The following STIM1 variants were observed in gnomAD, a reference collection of about 807,000 sequenced individuals.
STIM1 encodes stromal interaction molecule 1.
Under a neutral mutation model 74.7 loss-of-function variants are expected in STIM1, and 25 were observed. The ratio of observed to expected loss-of-function variants is 0.33; its 90% CI spans 0.24 to 0.47. STIM1 has a LOEUF of 0.47. STIM1 is among the 20% of genes least tolerant of loss of function. The pLI is 1.00. For missense variants in STIM1, 728 were observed against 920.8 expected (o/e 0.79, Z 2.71); for synonymous variants, 328 against 348.8 (o/e 0.94, Z 0.66).
intron 2 of STIM1, among the ~76,000 whole-genome samples, chr11:3,980,626 A>C (rs972164195): frequency 6.6e-6 from 1 of 151,742 alleles, no homozygotes; most frequent in African/African-American, 2.4e-5. Context: ...AAAAAAAAAA[A>C]AACCCACACA....
At chr11:4,000,014 C>T (rs908402224) in intron 2 of STIM1, among the ~76,000 whole-genome samples, 28 of 152,090 alleles carry the variant, frequency 1.8e-4, no homozygotes, top group Admixed American at 3.3e-4. Context: ...AACTGCAAGG[C>T]GGCAGCGAGG....
chr11:3,918,901 AGT>A (rs1261233475), intron 1 of STIM1, among the ~76,000 whole-genome samples: 3 of 152,252 alleles, frequency 2.0e-5, no homozygotes, highest in Non-Finnish European at 4.4e-5. Context: ...TGTTAAAAAA[AGT>A]GTGTTTCCAA....
rs1308815370 is a variant in STIM1 at position 3,855,727 on chromosome 11, C to T, written c.-544C>T. On this transcript the variant is annotated 5_prime_UTR_variant, in exon 1 of 13. Coordinates refer to ENST00000526596, the MANE Select transcript of STIM1 (RefSeq NM_001382567.1). The stretch of plus-strand genomic sequence containing the variant: ...GCTGGACCTGGGCACCGCCAGCCGC[C>T]TGGGCACGGGACTGGGCGGGGGCGC... The T allele has an allele frequency of 6.5e-6, 1 of 152,956 alleles. No individual in the cohort carries two copies. The highest frequency in any genetic ancestry group is 1.5e-5 in the Non-Finnish European group (1 of 68,562). The allele number at this position is 152,956 out of a possible 1,614,324, so 9.5% of individuals were successfully genotyped here.
At chr11:4,057,967 C>T (rs530539782) in intron 4 of STIM1, among the ~76,000 whole-genome samples, 56 of 152,014 alleles carry the variant, frequency 3.7e-4, no homozygotes, top group Admixed American at 3.5e-3. Flanking sequence ...AGTATCAGAA[C>T]AGTAGCAGAC....
rs532773730 is a variant in STIM1, at chr11:3,890,249, C to T, written c.139+33840C>T. Reference sequence around the variant, plus strand: ...GTGTTTTGCAATCTGAGAGCAGGGGCCAGTCCAAGTGGTGATCTCTGGAGG... The same window carrying T: ...GTGTTTTGCAATCTGAGAGCAGGGGTCAGTCCAAGTGGTGATCTCTGGAGG... On this transcript the variant is annotated intron_variant, in intron 1 of 12. Transcript: ENST00000526596. Among the ~76,000 whole-genome samples, 14 of 152,306 alleles carry T rather than the reference C, an allele frequency of 9.2e-5. No individual in the cohort carries two copies. In the South Asian group the frequency reaches 2.9e-3, roughly 32 times the overall value.
chr11:3,958,280 A>G (rs1411859506), intron 1 of STIM1, among the ~76,000 whole-genome samples: 1 of 152,220 alleles, frequency 6.6e-6, no homozygotes, highest in South Asian at 2.1e-4. Context: ...AGGCTGAGGC[A>G]GGAGGATTGC....
intron 1 of STIM1, among the ~76,000 whole-genome samples, chr11:3,872,674 A>C (rs995568489): frequency 1.0e-4 from 15 of 150,452 alleles, no homozygotes; most frequent in African/African-American, 3.7e-4. Context: ...GGCGCCCACC[A>C]CCACGCCCGG....
rs1032475323 is a variant in STIM1 at position 3,880,009 on chromosome 11, A to G, written c.139+23600A>G. 2.6e-5 allele frequency among the ~76,000 whole-genome samples: 4 copies of G among 152,178 alleles called. No individual in the cohort carries two copies. The East Asian group carries it at 5.8e-4, about 22-fold the overall frequency. ...TTATGAATGGTCAGAACACACTCTC[A>G]TGGAGATCCAGGAAGCAGGACAGGA... On this transcript the variant is annotated intron_variant, in intron 1 of 12. Coordinates refer to ENST00000526596, the MANE Select transcript of STIM1 (RefSeq NM_001382567.1).
At chr11:3,885,686 G>T in intron 1 of STIM1, among the ~76,000 whole-genome samples, 1 of 152,074 alleles carries the variant, frequency 6.6e-6, no homozygotes, top group Non-Finnish European at 1.5e-5. Context: ...ATAGGAGGCT[G>T]AAATATGGTG....
intron 3 of STIM1, among the ~76,000 whole-genome samples, chr11:4,045,129 C>T (rs898088645): frequency 6.6e-6 from 1 of 152,010 alleles, no homozygotes; most frequent in Non-Finnish European, 1.5e-5. Context: ...AGGCATCCTC[C>T]CAGTAGACAA....
chr11:4,006,173 GAGTT>G, intron 2 of STIM1, among the ~76,000 whole-genome samples: 1 of 152,272 alleles, frequency 6.6e-6, no homozygotes, highest in South Asian at 2.1e-4. Context: ...AATAGTGAGT[GAGTT>G]CTCATGAGAT....
chr11:3,888,831 T>A (rs2091810813), intron 1 of STIM1, among the ~76,000 whole-genome samples: 1 of 152,052 alleles, frequency 6.6e-6, no homozygotes. Context: ...GGATTACAGG[T>A]GTTAGCCACC....
chr11:4,010,922 T>TA (rs773156495), intron 2 of STIM1, among the ~76,000 whole-genome samples: 4 of 152,158 alleles, frequency 2.6e-5, no homozygotes, highest in African/African-American at 4.8e-5. Context: ...CCTCTGTCTG[T>TA]ATGTTCTCAT....
intron 1 of STIM1, among the ~76,000 whole-genome samples, chr11:3,895,726 CTTTCTTTCTTTT>C (rs2092110510): frequency 5.2e-5 from 2 of 38,672 alleles, no homozygotes; most frequent in Non-Finnish European, 8.9e-5. Flanking sequence ...TTCTTTCTTT[CTTTCTTTCTTTT>C]TCTTTCTTCC....
intron 1 of STIM1, among the ~76,000 whole-genome samples, chr11:3,943,602 TA>T (rs112689732): frequency 4.6e-5 from 7 of 151,962 alleles, no homozygotes; most frequent in African/African-American, 1.4e-4. Context: ...AGTTCACAGT[TA>T]AAAAAAACAT....
At chr11:3,928,482 C>A (rs1191660832) in intron 1 of STIM1, among the ~76,000 whole-genome samples, 2 of 152,180 alleles carry the variant, frequency 1.3e-5, no homozygotes, top group Non-Finnish European at 2.9e-5. Context: ...CCACCTCGGC[C>A]TCCCAAAGTG....
In STIM1 at chr11:4,091,921, T is replaced by A; in HGVS notation, c.*123T>A. 1 of 1,355,392 alleles carries A rather than the reference T, an allele frequency of 7.4e-7. No homozygotes were observed. The highest frequency in any genetic ancestry group is 1.0e-6 in the Non-Finnish European group (1 of 979,682). 84.0% of individuals were successfully genotyped at this position (1,355,392 alleles called of 1,614,324 possible). On this transcript the variant is annotated 3_prime_UTR_variant, in exon 13 of 13. Coordinates refer to ENST00000526596, the MANE Select transcript of STIM1 (RefSeq NM_001382567.1). ...GGCATGGGAAGGGCTGGTCCAGGGG[T>A]CTGGGCACTGTACATACCTGCCCCC...
intron 2 of STIM1, among the ~76,000 whole-genome samples, chr11:4,016,920 G>A (rs866946965): frequency 2.5e-4 from 38 of 152,248 alleles, no homozygotes; most frequent in African/African-American, 9.2e-4. Context: ...TGCGAAGACC[G>A]TGGGAAAAGT....
rs150135264 is a variant in STIM1, at chr11:3,966,632, G to A, written c.140-920G>A. Among the ~76,000 whole-genome samples the A allele has an allele frequency of 1.5e-4, 23 of 152,290 alleles. 1 individual carries two copies. Among genetic ancestry groups the A allele is most frequent in the South Asian group, 1.2e-3 (6 of 4,826 alleles). ...AGGTCAAAAGGAAAGAGGAATTTTA[G>A]CATCTAGGAATTGGAAGAAATACTA... On this transcript the variant is annotated intron_variant, in intron 1 of 12. Transcript: ENST00000526596.
Sources: allele counts gnomAD v4.1 joint callset (sites outside exome capture counted in the v4.1 genomes callset), GRCh38; gene constraint gnomAD v4.1.1; transcripts MANE v1.5; gene names NCBI Gene and HGNC (gene_info 2026-07-23, HGNC 2026-07-21).